The following URB2 variants were observed in gnomAD, a reference collection of about 807,000 sequenced individuals.
URB2 encodes URB2 ribosome biogenesis homolog, also known as unhealthy ribosome biogenesis protein 2 homolog.
Under a neutral mutation model 120.9 loss-of-function variants are expected in URB2, and 86 were observed. The observed-to-expected ratio is 0.71, with a 90% confidence interval of 0.60 to 0.85. The LOEUF (loss-of-function observed/expected upper bound fraction) is 0.85. URB2 is among the 40% of genes least tolerant of loss of function. The pLI, the probability that URB2 is intolerant of heterozygous loss-of-function variation, is 0.00. For missense variants in URB2, 1,765 were observed against 1,836.5 expected (o/e 0.96, Z 0.71); for synonymous variants, 755 against 758.4 (o/e 1.00, Z 0.07).
At position 229,632,276 on chromosome 1, in the gene URB2, T is replaced by C; in HGVS notation, c.134T>C (p.Leu45Pro). The C allele has an allele frequency of 1.3e-6, 2 of 1,554,062 alleles. No homozygotes were observed. Among genetic ancestry groups the C allele is most frequent in the South Asian group, 1.3e-5 (1 of 78,236 alleles). Residue 45 changes from leucine (L) to proline (P), a missense_variant, in exon 3 of 10, where the codon CTT becomes CCT. Transcript: ENST00000258243. ...TGTGTCCTTCAAATTCAGGTGTTAC[T>C]TGATTGGGCAAGACAATCATTGGTT... ...CFLPNKEQVLLDWARQSLVAF... is the reference protein window; with the variant it reads ...CFLPNKEQVLPDWARQSLVAF...
At chr1:229,653,936 G>GTTTTTTTTTTT (rs760894683) in intron 8 of URB2, among the ~76,000 whole-genome samples, 3 of 60,554 alleles carry the variant, frequency 5.0e-5, no homozygotes, top group Admixed American at 1.9e-4. Context: ...CCATCTTGGT[G>GTTTTTTTTTTT]TTTTTTTTTT....
In URB2 at chr1:229,645,933, G is replaced by A; in HGVS notation, c.3870G>A (p.Leu1290=). The change falls in exon 6 of 10, where the codon TTG becomes TTA. Residue 1290 remains leucine, a synonymous_variant. Coordinates refer to ENST00000258243, the MANE Select transcript of URB2 (RefSeq NM_014777.4). ...TCAGTGGAGAGAAAGCAAGTCTGTTGTGGCGTGCGTGTCCCCAGATAGTCA... is the reference window on the plus strand; with the variant it reads ...TCAGTGGAGAGAAAGCAAGTCTGTTATGGCGTGCGTGTCCCCAGATAGTCA... ...CPLSGEKASL[L]WRACPQIVTA... 6.2e-7 allele frequency: 1 copy of A among 1,614,218 alleles called. No individual in the cohort carries two copies. The highest frequency in any genetic ancestry group is 2.2e-5 in the East Asian group (1 of 44,874).
At chr1:229,634,017 A>C (rs866139284) in intron 3 of URB2, among the ~76,000 whole-genome samples, 1 of 151,780 alleles carries the variant, frequency 6.6e-6, no homozygotes, top group African/African-American at 2.4e-5. Context: ...TTTTTAGTAG[A>C]GATGGTGTTT....
rs527726801 is a variant in URB2 at position 229,647,830 on chromosome 1, A to G, written c.4149+78A>G. ...TTGAAGTCTGTAGAAAAGTGGCAGC[A>G]AAACTTTACTGTTGCAGGATAATAA... On this transcript the variant is annotated intron_variant, in intron 7 of 9. Coordinates refer to ENST00000258243, the MANE Select transcript of URB2 (RefSeq NM_014777.4). 1.6e-5 allele frequency: 25 copies of G among 1,534,054 alleles called. 1 individual carries two copies. In the African/African-American group the frequency reaches 3.4e-4, roughly 21 times the overall value.
At position 229,647,578 on chromosome 1, in the gene URB2, C is replaced by G. The variant is rs1666178446; in HGVS notation, c.3975C>G (p.Val1325=). The change falls in exon 7 of 10, where the codon GTC becomes GTG. Residue 1325 remains valine, a synonymous_variant. Transcript: ENST00000258243. ...CAGTGGTCGGGCCTGTCTTAGATGT[C>G]CTGGCTGCACTGCTGCGGCAGGGGG... is the stretch of plus-strand genomic sequence containing the variant. The part of the protein sequence containing the change: ...SLTVVGPVLD[V]LAALLRQGEE... 1 of 1,614,230 alleles carries G rather than the reference C, an allele frequency of 6.2e-7. No individual in the cohort carries two copies. The highest frequency in any genetic ancestry group is 1.7e-5 in the Admixed American group (1 of 60,020).
rs1222751716 is a variant in URB2, at chr1:229,638,074, A to G, written c.3461A>G (p.Tyr1154Cys). ...DRTLLSHVALYQGVYSQILLE... is the reference protein window; with the variant it reads ...DRTLLSHVALCQGVYSQILLE... ...ACGCTGCTCTCCCATGTTGCCCTCT[A>G]CCAGGGTGTTTACTCTCAGATACTG... Residue 1154 changes from tyrosine to cysteine, a missense_variant, in exon 4 of 10, where the codon TAC becomes TGC. Coordinates refer to ENST00000258243, the MANE Select transcript of URB2 (RefSeq NM_014777.4). The G allele has an allele frequency of 6.2e-7, 1 of 1,614,186 alleles. No homozygotes were observed. Among genetic ancestry groups the G allele is most frequent in the Non-Finnish European group, 8.5e-7 (1 of 1,180,020 alleles).
intron 2 of URB2, among the ~76,000 whole-genome samples, chr1:229,631,475 A>G (rs1412632377): frequency 6.6e-6 from 1 of 152,228 alleles, no homozygotes; most frequent in Non-Finnish European, 1.5e-5. Context: ...ACCTTTCAGC[A>G]TGCCTTCCTC....
In URB2 at chr1:229,637,270, T is replaced by A. The variant is rs748112444; in HGVS notation, c.2657T>A (p.Leu886Gln). The change falls in exon 4 of 10, where the codon CTG becomes CAG. Residue 886 changes from leucine (L) to glutamine (Q), a missense_variant. By Grantham distance (113) the Leu-to-Gln change is moderately radical. Transcript: ENST00000258243. ...SLVKSDFPIQ[L>Q]EGEQLESILG... is the part of the protein sequence containing the mutation. ...GTCAAGAGTGACTTCCCTATCCAGCTGGAGGGAGAGCAGTTGGAAAGCATC... is the reference window on the plus strand; with the variant it reads ...GTCAAGAGTGACTTCCCTATCCAGCAGGAGGGAGAGCAGTTGGAAAGCATC... 8.1e-6 allele frequency: 13 copies of A among 1,614,096 alleles called. No individual in the cohort carries two copies. In the East Asian group the frequency reaches 2.9e-4, roughly 36 times the overall value.
chr1:229,655,782 T>C (rs1014232902), intron 9 of URB2, among the ~76,000 whole-genome samples: 2 of 152,236 alleles, frequency 1.3e-5, no homozygotes, highest in Non-Finnish European at 2.9e-5. Flanking sequence ...CCTTTGTAAA[T>C]CTTGTAAGAA....
intron 2 of URB2, among the ~76,000 whole-genome samples, chr1:229,631,177 C>T (rs1432059058): frequency 6.6e-6 from 1 of 152,108 alleles, no homozygotes; most frequent in Non-Finnish European, 1.5e-5. Context: ...GAACCAACCT[C>T]TGGTAGCTTC....
chr1:229,627,765 T>C lies in URB2; in HGVS notation c.126+6T>C. On this transcript the variant is annotated splice_donor_region_variant and intron_variant, in intron 2 of 9. Transcript: ENST00000258243. The stretch of plus-strand genomic sequence containing the variant: ...TTCTTCCAAATAAAGAACAAGTAAG[T>C]TTAATGTGAAACTCATATTTTTACA... 2 of 1,604,880 alleles carry C rather than the reference T, an allele frequency of 1.2e-6. No homozygotes were observed. The highest frequency in any genetic ancestry group is 1.7e-5 in the Admixed American group (1 of 58,906).
chr1:229,632,538 A>T (rs1665697791), intron 3 of URB2, 93 bp downstream of exon 3: 7 of 1,123,694 alleles, frequency 6.2e-6, no homozygotes, highest in Middle Eastern at 2.1e-4. Flanking sequence ...TTGTATGAAG[A>T]TATAGGAAAT....
intron 4 of URB2, among the ~76,000 whole-genome samples, chr1:229,640,126 GTAT>G (rs1310139440): frequency 2.0e-5 from 3 of 152,124 alleles, no homozygotes; most frequent in African/African-American, 7.2e-5. Flanking sequence ...AACATGCATT[GTAT>G]TATTGCATTA....
At position 229,637,307 on chromosome 1, in the gene URB2, G is replaced by T; in HGVS notation, c.2694G>T (p.Leu898Phe). 1 of 1,614,180 alleles carries T rather than the reference G, an allele frequency of 6.2e-7. No homozygotes were observed. Among genetic ancestry groups the T allele is most frequent in the Non-Finnish European group, 8.5e-7 (1 of 1,180,034 alleles). Reference sequence around the variant, plus strand: ...AGTTGGAAAGCATCCTGGGGCTTTTGGAAGTGATTTCTGCCTTACAGCTGG... The same window carrying T: ...AGTTGGAAAGCATCCTGGGGCTTTTTGAAGTGATTTCTGCCTTACAGCTGG... ...GEQLESILGLLEVISALQLDS... is the reference protein window; with the variant it reads ...GEQLESILGLFEVISALQLDS... Residue 898 changes from leucine to phenylalanine, a missense_variant, in exon 4 of 10, where the codon TTG (leucine) becomes TTT (phenylalanine). Physicochemically the swap from Leu to Phe is conservative, Grantham distance 22. Transcript: ENST00000258243.
chr1:229,639,589 G>C lies in URB2; in HGVS notation c.3634+1342G>C, dbSNP rs567554860. Among the ~76,000 whole-genome samples, 68 of 152,190 alleles carry C rather than the reference G, an allele frequency of 4.5e-4. 1 individual carries two copies. Among genetic ancestry groups the C allele is most frequent in the African/African-American group, 1.6e-3 (68 of 41,534 alleles). ...CTGACCTCATTATCCGCCCACCTCA[G>C]CCTCCCAAAGTACTGGGATTACAGG... On this transcript the variant is annotated intron_variant, in intron 4 of 9. Coordinates refer to ENST00000258243, the MANE Select transcript of URB2 (RefSeq NM_014777.4).
Position 229,636,420 on chromosome 1 carries a change from A to G in URB2, c.1807A>G (p.Ser603Gly), listed in dbSNP as rs1405667388. 1.9e-6 allele frequency: 3 copies of G among 1,614,254 alleles called. No homozygotes were observed. Among genetic ancestry groups the G allele is most frequent in the Non-Finnish European group, 2.5e-6 (3 of 1,180,040 alleles). ...PEPELWLQKV[S>G]DSVLLLSYTW... ...GCCAGAGCTGTGGCTGCAGAAGGTC[A>G]GTGACTCTGTGCTCCTGCTCTCTTA... The change falls in exon 4 of 10, where the codon AGT becomes GGT. Residue 603 changes from serine to glycine, a missense_variant. Ser to Gly is a moderately conservative substitution (Grantham distance 56). Coordinates refer to ENST00000258243, the MANE Select transcript of URB2 (RefSeq NM_014777.4).
rs1314846168 is a variant in URB2, at chr1:229,660,186, A to G, written c.*889A>G. On this transcript the variant is annotated 3_prime_UTR_variant, in exon 10 of 10. Coordinates refer to ENST00000258243, the MANE Select transcript of URB2 (RefSeq NM_014777.4). The stretch of plus-strand genomic sequence containing the variant: ...AGTAGCTAAATTGGATCATAAATGC[A>G]TTTTTTTAAAGTTACCTTTTTTCCT... 6.7e-6 allele frequency: 1 copy of G among 149,300 alleles called. No individual in the cohort carries two copies. Among genetic ancestry groups the G allele is most frequent in the African/African-American group, 2.5e-5 (1 of 40,618 alleles). The allele number at this position is 149,300 out of a possible 1,614,324, so 9.2% of individuals were successfully genotyped here. A position where few individuals can be genotyped will look rare whatever the true frequency, so the allele number is the denominator to read the frequency against.
intron 9 of URB2, among the ~76,000 whole-genome samples, chr1:229,657,031 G>C (rs1014064194): frequency 1.6e-4 from 25 of 152,176 alleles, no homozygotes; most frequent in African/African-American, 5.8e-4. Flanking sequence ...TTGACTTAAT[G>C]ATGCAGTTAT....
chr1:229,654,440 G>A (rs767416121), intron 9 of URB2, 52 bp downstream of exon 9: 5 of 1,607,008 alleles, frequency 3.1e-6, no homozygotes, highest in Non-Finnish European at 2.6e-6. Flanking sequence ...TGGTCCTTAA[G>A]CAGGGTTTCT....
Sources: gnomAD v4.1 joint callset for allele counts (sites outside exome capture counted in the v4.1 genomes callset) on GRCh38, gnomAD v4.1.1 for gene constraint, MANE v1.5 for transcripts, NCBI Gene and HGNC (gene_info 2026-07-23, HGNC 2026-07-21) for gene names.